SYNPO2: variants seen among roughly 807,000 people sequenced by gnomAD.
SYNPO2 encodes the protein synaptopodin 2, also known as synaptopodin-2.
SYNPO2 carries 56 observed loss-of-function variants against 85.0 expected under a neutral mutation model. The observed-to-expected ratio is 0.66, with a 90% CI of 0.53 to 0.82. SYNPO2 has a LOEUF of 0.82. SYNPO2 is among the 40% of genes least tolerant of loss of function. SYNPO2 has a pLI of 0.00. For missense variants in SYNPO2, 1,575 were observed against 1,534.2 expected (o/e 1.03, Z -0.44); for synonymous variants, 602 against 591.1 (o/e 1.02, Z -0.27).
intron 1 of SYNPO2, among the ~76,000 whole-genome samples, chr4:118,939,192 A>C (rs1488394332): frequency 2.0e-5 from 3 of 152,246 alleles, no homozygotes; most frequent in Non-Finnish European, 4.4e-5. Flanking sequence ...AGTGTCTGGC[A>C]TAGAGAAATG....
At chr4:118,934,717 A>C (rs1465707259) in intron 1 of SYNPO2, among the ~76,000 whole-genome samples, 3 of 152,240 alleles carry the variant, frequency 2.0e-5, no homozygotes, top group Non-Finnish European at 2.9e-5. Flanking sequence ...TAGAATCTTC[A>C]GCCAAATGCT....
intron 1 of SYNPO2, among the ~76,000 whole-genome samples, chr4:118,972,205 CAG>C (rs1376302385): frequency 1.3e-5 from 2 of 152,144 alleles, no homozygotes; most frequent in African/African-American, 4.8e-5. Context: ...CTTTGGGAGA[CAG>C]AGGTGGGAGG....
intron 1 of SYNPO2, among the ~76,000 whole-genome samples, chr4:119,010,928 G>A (rs116246266): frequency 6.0e-4 from 92 of 152,334 alleles, no homozygotes; most frequent in African/African-American, 2.0e-3. Flanking sequence ...GTAGCTGAGG[G>A]TTCTTGCCTG....
chr4:118,961,986 A>G (rs1259465867), intron 1 of SYNPO2, among the ~76,000 whole-genome samples: 1 of 152,194 alleles, frequency 6.6e-6, no homozygotes, highest in African/African-American at 2.4e-5. Context: ...CTTGTTGGTC[A>G]GAAAGATAAA....
chr4:118,870,861 T>C (rs538640763), intron 1 of SYNPO2, among the ~76,000 whole-genome samples: 21 of 152,296 alleles, frequency 1.4e-4, no homozygotes, highest in African/African-American at 5.1e-4. Context: ...GTAACAAAAC[T>C]GCACATCCTG....
At chr4:118,968,683 T>C (rs1735408148) in intron 1 of SYNPO2, among the ~76,000 whole-genome samples, 1 of 151,868 alleles carries the variant, frequency 6.6e-6, no homozygotes, top group African/African-American at 2.4e-5. Flanking sequence ...GGTGGAGGAG[T>C]GATGGGTCTT....
At chr4:118,888,360 A>G (rs886302520), upstream of SYNPO2, among the ~76,000 whole-genome samples, 5 of 152,178 alleles carry the variant, frequency 3.3e-5, no homozygotes, top group African/African-American at 1.2e-4. Context: ...TTATTAACAA[A>G]AAGTTTGTGC....
In SYNPO2 at chr4:119,059,495, G is replaced by A. The variant is rs1045919705; in HGVS notation, c.*1561G>A. The A allele has an allele frequency of 2.0e-5, 3 of 151,930 alleles. No homozygotes were observed. The highest frequency in any genetic ancestry group is 4.4e-5 in the Non-Finnish European group (3 of 67,996). 9.4% of individuals were successfully genotyped at this position (151,930 alleles called of 1,614,324 possible). On this transcript the variant is annotated 3_prime_UTR_variant, in exon 5 of 5. Coordinates refer to ENST00000307142, the MANE Select transcript of SYNPO2 (RefSeq NM_133477.3). ...ACCTGCTCCTTATTGCCATACCCAC[G>A]AACTGTTAAATATAAAAAAATTCAA...
At chr4:118,855,198 G>A (rs1256080640) in intron 1 of SYNPO2, among the ~76,000 whole-genome samples, 3 of 151,304 alleles carry the variant, frequency 2.0e-5, no homozygotes, top group African/African-American at 7.3e-5. Context: ...TTTGATGGTA[G>A]ATCTTTGGAA....
Position 118,918,806 on chromosome 4 carries a change from A to G in SYNPO2, c.105+29665A>G, listed in dbSNP as rs977968699. 2.8e-4 allele frequency among the ~76,000 whole-genome samples: 43 copies of G among 152,202 alleles called. 2 individuals carry two copies. The highest frequency in any genetic ancestry group is 3.4e-4 in the Non-Finnish European group (23 of 68,026). ...CAATATTGCTAGTTTGCCAGAAGAC[A>G]TGACATACACAGTTATATTAGGTAG... On this transcript the variant is annotated intron_variant, in intron 1 of 4. Coordinates refer to ENST00000307142, the MANE Select transcript of SYNPO2 (RefSeq NM_133477.3).
chr4:118,867,952 C>T (rs1011233914), intron 1 of SYNPO2, among the ~76,000 whole-genome samples: 20 of 151,294 alleles, frequency 1.3e-4, no homozygotes, highest in African/African-American at 3.9e-4. Context: ...CATTTCCCTA[C>T]AGTCAGTCTC....
At chr4:119,004,841 C>G (rs1000307207) in intron 1 of SYNPO2, among the ~76,000 whole-genome samples, 5 of 152,000 alleles carry the variant, frequency 3.3e-5, no homozygotes, top group African/African-American at 1.2e-4. Context: ...ACAGTCCCAC[C>G]AACAGTGTAA....
At chr4:119,052,114 C>A (rs2149200770) in intron 4 of SYNPO2, among the ~76,000 whole-genome samples, 1 of 152,236 alleles carries the variant, frequency 6.6e-6, no homozygotes, top group South Asian at 2.1e-4. Context: ...GGTCTGAGTG[C>A]CACTCAGGAA....
At chr4:118,998,350 CAAA>C (rs1035620416) in intron 1 of SYNPO2, among the ~76,000 whole-genome samples, 7 of 152,180 alleles carry the variant, frequency 4.6e-5, no homozygotes, top group African/African-American at 1.4e-4. Flanking sequence ...GGTGAACAAA[CAAA>C]AGAGAATTAT....
chr4:118,851,847 C>G (rs10014331), intron 1 of SYNPO2, among the ~76,000 whole-genome samples: 83,145 of 151,926 alleles, frequency 0.55, 24,600 homozygotes, highest in African/African-American at 0.76. Flanking sequence ...AAAAAATCCA[C>G]TCTCATACAG....
At chr4:118,989,794 GC>G (rs1736342637) in intron 1 of SYNPO2, among the ~76,000 whole-genome samples, 1 of 152,160 alleles carries the variant, frequency 6.6e-6, no homozygotes, top group African/African-American at 2.4e-5. Context: ...GGTGGAGGAG[GC>G]CTAACTTGTG....
At chr4:118,996,411 T>C (rs1263626031) in intron 1 of SYNPO2, among the ~76,000 whole-genome samples, 1 of 152,210 alleles carries the variant, frequency 6.6e-6, no homozygotes, top group Non-Finnish European at 1.5e-5. Flanking sequence ...ATAACTTGTT[T>C]TTCTGTCTGC....
At chr4:118,975,709 C>G (rs1578603314) in intron 1 of SYNPO2, among the ~76,000 whole-genome samples, 2 of 152,284 alleles carry the variant, frequency 1.3e-5, no homozygotes, top group Admixed American at 1.3e-4. Context: ...AAGGCAGAAG[C>G]CTAATCATCA....
intron 1 of SYNPO2, among the ~76,000 whole-genome samples, chr4:118,929,431 G>A (rs530734749): frequency 1.7e-4 from 26 of 152,046 alleles, no homozygotes; most frequent in African/African-American, 5.5e-4. Context: ...GCCTCTCAAA[G>A]TTTTAAAACC....
Sources: allele counts gnomAD v4.1 joint callset (sites outside exome capture counted in the v4.1 genomes callset), GRCh38; gene constraint gnomAD v4.1.1; transcripts MANE v1.5; gene names NCBI Gene and HGNC (gene_info 2026-07-23, HGNC 2026-07-21).